Variants in C14orf39 observed in about 807,000 individuals in gnomAD.
The protein encoded by C14orf39 is chromosome 14 open reading frame 39.
Under a neutral mutation model 85.6 loss-of-function variants are expected in C14orf39, and 66 were observed. The ratio of observed to expected loss-of-function variants is 0.77; its 90% confidence interval spans 0.63 to 0.95. The LOEUF (loss-of-function observed/expected upper bound fraction) is 0.95. Ranked by LOEUF, C14orf39 falls within the 40% of genes least tolerant of loss-of-function variation. The pLI is 0.00. For synonymous variants in C14orf39, 242 were observed against 214.0 expected (o/e 1.13, Z -1.14); for missense variants, 735 against 663.9 (o/e 1.11, Z -1.18).
At chr14:60,444,580 T>C (rs1230262426) in intron 16 of C14orf39, among the ~76,000 whole-genome samples, 1 of 152,220 alleles carries the variant, frequency 6.6e-6, no homozygotes, top group Non-Finnish European at 1.5e-5. Context: ...TTGATTGGTG[T>C]ACCTGAAAGT....
At chr14:60,455,827 TA>T (rs1240503872) in intron 15 of C14orf39, among the ~76,000 whole-genome samples, 1 of 152,138 alleles carries the variant, frequency 6.6e-6, no homozygotes, top group Non-Finnish European at 1.5e-5. Context: ...GCAGTATTTA[TA>T]AAATGTCTAG....
intron 1 of C14orf39, among the ~76,000 whole-genome samples, chr14:60,506,441 A>C (rs926848608): frequency 6.6e-6 from 1 of 152,170 alleles, no homozygotes; most frequent in Non-Finnish European, 1.5e-5. Flanking sequence ...AGGTGGGGTG[A>C]GGGTCACCGC....
At chr14:60,437,306 A>G (rs1227513366) in intron 17 of C14orf39, among the ~76,000 whole-genome samples, 1 of 152,024 alleles carries the variant, frequency 6.6e-6, no homozygotes, top group Non-Finnish European at 1.5e-5. Flanking sequence ...TAAAAAGTAA[A>G]AAGTAGAATA....
chr14:60,464,726 C>G (rs1439904043), intron 11 of C14orf39, among the ~76,000 whole-genome samples: 2 of 152,000 alleles, frequency 1.3e-5, no homozygotes, highest in East Asian at 1.9e-4. Context: ...GCCTCAATGT[C>G]AAGTTGTTTC....
chr14:60,446,538 G>A (rs902265685), intron 16 of C14orf39, among the ~76,000 whole-genome samples: 4 of 152,160 alleles, frequency 2.6e-5, no homozygotes, highest in Non-Finnish European at 5.9e-5. Flanking sequence ...GACAGATTCT[G>A]AAATTGAGGC....
At chr14:60,463,436 T>C (rs1003830703) in intron 11 of C14orf39, among the ~76,000 whole-genome samples, 1 of 152,160 alleles carries the variant, frequency 6.6e-6, no homozygotes, top group African/African-American at 2.4e-5. Context: ...ACTTTGTCTT[T>C]TTCCTTCACC....
At position 60,461,532 on chromosome 14, in the gene C14orf39, C is replaced by A. The variant is rs1167956609; in HGVS notation, c.1034G>T (p.Ser345Ile). The change falls in exon 12 of 18, where the codon AGT (serine) becomes ATT (isoleucine). Residue 345 changes from serine (S) to isoleucine (I), a missense_variant. Coordinates refer to ENST00000321731, the MANE Select transcript of C14orf39 (RefSeq NM_174978.3). ...CCTGACTTGCATAAACTTTTGTGAA[C>A]TTGTGATAGTCGTAATATGTGAACA... ...SKCSHITTIT[S>I]SQKFMQVRLL... 6.3e-7 allele frequency: 1 copy of A among 1,591,930 alleles called. No individual in the cohort carries two copies. Among genetic ancestry groups the A allele is most frequent in the Non-Finnish European group, 8.5e-7 (1 of 1,171,918 alleles).
chr14:60,492,132 T>TAA, intron 2 of C14orf39, among the ~76,000 whole-genome samples: 1 of 151,956 alleles, frequency 6.6e-6, no homozygotes, highest in East Asian at 1.9e-4. Context: ...GGCAAAACTT[T>TAA]AAAAAAAATT....
At position 60,509,512 on chromosome 14, in the gene C14orf39, C is replaced by T. The variant is rs185399510; in HGVS notation, c.-144+5883G>A. On this transcript the variant is annotated intron_variant, in intron 1 of 5. Transcript: ENST00000556799. ...TGGGTCGCTTCCTCTGGTCGCTGCC[C>T]GTGGCCCCTGCGGCCTGCGAGGCCC... 51 of 1,605,796 alleles carry T rather than the reference C, an allele frequency of 3.2e-5. No homozygotes were observed. The East Asian group carries it at 1.1e-3, about 34-fold the overall frequency.
At chr14:60,450,446 G>C (rs1216682629) in intron 16 of C14orf39, among the ~76,000 whole-genome samples, 1 of 152,154 alleles carries the variant, frequency 6.6e-6, no homozygotes, top group African/African-American at 2.4e-5. Flanking sequence ...GAAAGGGAGG[G>C]AAGAGCAGGA....
chr14:60,436,912 A>T lies in C14orf39; in HGVS notation c.1697T>A (p.Ile566Lys). The stretch of plus-strand genomic sequence containing the variant: ...AAAACCTTTTAAAGAAGAAGAAGGT[A>T]TTGAATTTTGACCCTGTCCAAATGA... ...PFSFGQGQNS[I>K]PSSSLKGFSS... Residue 566 changes from isoleucine to lysine, a missense_variant, in exon 18 of 18, where the codon ATA (isoleucine) becomes AAA (lysine). Transcript: ENST00000321731. 6.2e-7 allele frequency: 1 copy of T among 1,612,580 alleles called. No homozygotes were observed. The highest frequency in any genetic ancestry group is 1.3e-5 in the African/African-American group (1 of 74,996).
At chr14:60,467,296 A>T (rs1891842061) in intron 9 of C14orf39, among the ~76,000 whole-genome samples, 1 of 151,764 alleles carries the variant, frequency 6.6e-6, no homozygotes, top group Admixed American at 6.6e-5. Flanking sequence ...TTTAAAATAT[A>T]ATCATTGCAA....
intron 2 of C14orf39, among the ~76,000 whole-genome samples, chr14:60,497,335 C>T (rs762943934): frequency 4.6e-5 from 7 of 152,016 alleles, no homozygotes; most frequent in Admixed American, 1.3e-4. Context: ...GTGTAATTAT[C>T]GTATAAATAT....
At chr14:60,507,448 G>A (rs1231384058) in intron 1 of C14orf39, among the ~76,000 whole-genome samples, 1 of 152,130 alleles carries the variant, frequency 6.6e-6, no homozygotes, top group Non-Finnish European at 1.5e-5. Flanking sequence ...TATCTTCATC[G>A]CCCTCTTTAT....
At chr14:60,451,173 A>G (rs1192114342) in intron 16 of C14orf39, among the ~76,000 whole-genome samples, 1 of 152,138 alleles carries the variant, frequency 6.6e-6, no homozygotes, top group African/African-American at 2.4e-5. Flanking sequence ...GGCAATCATT[A>G]AAAAATCAGG....
rs758761993 is a variant in C14orf39 at position 60,455,081 on chromosome 14, G to T, written c.1423C>A (p.Leu475Ile). 14 of 1,581,204 alleles carry T rather than the reference G, an allele frequency of 8.9e-6. No individual in the cohort carries two copies. The highest frequency in any genetic ancestry group is 1.2e-5 in the Non-Finnish European group (14 of 1,167,654). ...GGTGATCTAGAAGTATAACTCATAAGAAAAGAAAGTCCAGGGGATTCCTTT... is the reference window on the plus strand; with the variant it reads ...GGTGATCTAGAAGTATAACTCATAATAAAAGAAAGTCCAGGGGATTCCTTT... Reference protein sequence around the residue: ...TEKESPGLSFLMSYTSRSPGL... With the variant: ...TEKESPGLSFIMSYTSRSPGL... The change falls in exon 16 of 18, where the codon CTT becomes ATT. Residue 475 changes from leucine to isoleucine, a missense_variant. Transcript: ENST00000321731.
At chr14:60,467,926 G>A (rs1190221973) in intron 9 of C14orf39, among the ~76,000 whole-genome samples, 1 of 151,336 alleles carries the variant, frequency 6.6e-6, no homozygotes, top group African/African-American at 2.4e-5. Flanking sequence ...ATGATAACAG[G>A]CAAAGTCCAT....
chr14:60,468,357 A>G (rs1891896892), intron 9 of C14orf39, 88 bp downstream of exon 9: 2 of 669,132 alleles, frequency 3.0e-6, no homozygotes, highest in Non-Finnish European at 4.7e-6. Context: ...CTGTGTAAAT[A>G]TTAGTGGTTT....
At chr14:60,459,920 G>GT (rs1891443443) in intron 13 of C14orf39, among the ~76,000 whole-genome samples, 1 of 151,432 alleles carries the variant, frequency 6.6e-6, no homozygotes, top group Admixed American at 6.6e-5. Context: ...TCTTTTTATG[G>GT]TATCTTTTGA....
Sources: gnomAD v4.1 joint callset for allele counts (sites outside exome capture counted in the v4.1 genomes callset) on GRCh38, gnomAD v4.1.1 for gene constraint, MANE v1.5 for transcripts, NCBI Gene and HGNC (gene_info 2026-07-23, HGNC 2026-07-21) for gene names.